PLD1: variants seen among roughly 807,000 people sequenced by gnomAD.
PLD1 encodes the protein choline phosphatase 1.
In PLD1, 112 loss-of-function variants were observed where a neutral mutation model predicts 137.1. The observed-to-expected ratio is 0.82, with a 90% CI of 0.70 to 0.96. PLD1 has a LOEUF of 0.96. Ranked by LOEUF, PLD1 falls within the 40% of genes least tolerant of loss-of-function variation. The probability of loss-of-function intolerance (pLI) is 0.00; values close to 1 mark genes in which losing one functional copy is unlikely to be tolerated. For missense variants in PLD1, 1,321 were observed against 1,342.0 expected (o/e 0.98, Z 0.24); for synonymous variants, 431 against 454.7 (o/e 0.95, Z 0.66).
intron 1 of PLD1, among the ~76,000 whole-genome samples, chr3:171,760,211 T>C (rs1458729090): frequency 6.6e-6 from 1 of 152,224 alleles, no homozygotes. Context: ...GTAGAAATTC[T>C]TTCTTTTATT....
At chr3:171,626,588 AG>A (rs1281369057) in intron 23 of PLD1, among the ~76,000 whole-genome samples, 2 of 152,164 alleles carry the variant, frequency 1.3e-5, no homozygotes, top group Non-Finnish European at 2.9e-5. Flanking sequence ...AAAAATGTTA[AG>A]GGCAGCCAGA....
chr3:171,673,242 T>A (rs1346208752), intron 19 of PLD1, among the ~76,000 whole-genome samples: 1 of 141,578 alleles, frequency 7.1e-6, no homozygotes, highest in African/African-American at 2.6e-5. Flanking sequence ...CTTTTTAGCC[T>A]GGGATGACTA....
At chr3:171,747,597 T>G (rs1720334032) in intron 1 of PLD1, among the ~76,000 whole-genome samples, 1 of 152,206 alleles carries the variant, frequency 6.6e-6, no homozygotes, top group Admixed American at 6.5e-5. Context: ...AGCCCATGTT[T>G]TGTTCATTGT....
In PLD1 at chr3:171,708,812, T is replaced by C; in HGVS notation, c.1088A>G (p.Glu363Gly). The change falls in exon 11 of 27, where the codon GAA becomes GGA. Residue 363 changes from glutamate (E) to glycine (G), a missense_variant. Coordinates refer to ENST00000351298, the MANE Select transcript of PLD1 (RefSeq NM_002662.5). The stretch of plus-strand genomic sequence containing the variant: ...CTCTTCCATTGCATTTGCCACATCT[T>C]CAAAATATCCTTTGGCATTAACATA... ...KWYVNAKGYF[E>G]DVANAMEEAN... The C allele has an allele frequency of 4.4e-6, 7 of 1,593,236 alleles. 1 individual carries two copies. The South Asian group carries it at 7.7e-5, about 18-fold the overall frequency.
intron 1 of PLD1, among the ~76,000 whole-genome samples, chr3:171,805,068 T>G (rs941272817): frequency 3.3e-5 from 5 of 152,200 alleles, no homozygotes; most frequent in Admixed American, 3.3e-4. Flanking sequence ...TTTCCTGTTC[T>G]TAATATAAAG....
At chr3:171,709,222 A>G (rs1716950935) in intron 10 of PLD1, among the ~76,000 whole-genome samples, 2 of 152,248 alleles carry the variant, frequency 1.3e-5, no homozygotes, top group Non-Finnish European at 2.9e-5. Context: ...ACTTTATTTA[A>G]AAGAAATATC....
intron 16 of PLD1, among the ~76,000 whole-genome samples, chr3:171,679,858 T>C (rs1049563110): frequency 1.6e-4 from 25 of 152,200 alleles, no homozygotes; most frequent in African/African-American, 5.8e-4. Flanking sequence ...TAGCTCAGAA[T>C]TACATGAGTG....
chr3:171,744,983 C>A (rs1485777268), intron 1 of PLD1, among the ~76,000 whole-genome samples: 1 of 152,184 alleles, frequency 6.6e-6, no homozygotes, highest in Non-Finnish European at 1.5e-5. Context: ...GCATTAAAAG[C>A]ATTTCTTGAT....
intron 1 of PLD1, among the ~76,000 whole-genome samples, chr3:171,764,502 G>C (rs1222122683): frequency 6.6e-6 from 1 of 152,028 alleles, no homozygotes; most frequent in Non-Finnish European, 1.5e-5. Flanking sequence ...ATCTAACCCA[G>C]TAATTTTGCA....
intron 23 of PLD1, among the ~76,000 whole-genome samples, chr3:171,635,930 A>T (rs1255730130): frequency 1.8e-5 from 2 of 111,586 alleles, no homozygotes; most frequent in African/African-American, 6.5e-5. Flanking sequence ...TATTGAGTGA[A>T]TTTTTGTATA....
intron 19 of PLD1, among the ~76,000 whole-genome samples, chr3:171,672,808 C>T (rs1459520881): frequency 6.6e-6 from 1 of 152,100 alleles, no homozygotes; most frequent in African/African-American, 2.4e-5. Flanking sequence ...CACACAACAT[C>T]AGTGATGCGG....
intron 1 of PLD1, among the ~76,000 whole-genome samples, chr3:171,764,839 G>A (rs965608518): frequency 9.6e-5 from 1 of 10,424 alleles, no homozygotes; most frequent in South Asian, 1.7e-3. Flanking sequence ...AAGAAAGAAA[G>A]AAAGAAAGAA....
Position 171,611,632 on chromosome 3 carries a change from G to A in PLD1, c.2882+647C>T, listed in dbSNP as rs775959456. Reference sequence around the variant, plus strand: ...ATCTTCGACACCTGGAGTCATTTTAGACCTGAAAACAGAAGTTTCCACATT... The same window carrying A: ...ATCTTCGACACCTGGAGTCATTTTAAACCTGAAAACAGAAGTTTCCACATT... On this transcript the variant is annotated intron_variant, in intron 25 of 26. Transcript: ENST00000351298. 9.6e-6 allele frequency: 5 copies of A among 518,708 alleles called. No homozygotes were observed. In the Admixed American group the frequency reaches 9.7e-5, roughly 10 times the overall value. The allele number at this position is 518,708 out of a possible 1,614,324, so 32.1% of individuals were successfully genotyped here.
intron 19 of PLD1, among the ~76,000 whole-genome samples, chr3:171,674,189 G>A (rs1713091953): frequency 1.3e-5 from 2 of 152,176 alleles, no homozygotes; most frequent in Admixed American, 6.5e-5. Context: ...CTGGTGCTTA[G>A]GCAGTATCAG....
intron 25 of PLD1, among the ~76,000 whole-genome samples, chr3:171,606,473 T>C (rs1442985982): frequency 6.6e-6 from 1 of 152,132 alleles, no homozygotes; most frequent in Non-Finnish European, 1.5e-5. Context: ...TTTTCTGAGT[T>C]CACCAAATAA....
rs183292194 is a variant in PLD1, at chr3:171,765,781, C to T, written c.-31-27699G>A. Among the ~76,000 whole-genome samples, 76 of 152,294 alleles carry T rather than the reference C, an allele frequency of 5.0e-4. 1 individual carries two copies. The highest frequency in any genetic ancestry group is 1.8e-3 in the African/African-American group (75 of 41,568). On this transcript the variant is annotated intron_variant, in intron 1 of 26. Coordinates refer to ENST00000351298, the MANE Select transcript of PLD1 (RefSeq NM_002662.5). ...GGATTGTCTTGGTATGCTGACTTGT[C>T]CCTTTCATCACATCATCAACTGCGT...
At chr3:171,709,911 A>C (rs1251394409) in intron 9 of PLD1, among the ~76,000 whole-genome samples, 4 of 152,182 alleles carry the variant, frequency 2.6e-5, no homozygotes, top group Non-Finnish European at 5.9e-5. Flanking sequence ...TTATTCATTC[A>C]CTCATGCAAA....
At chr3:171,638,159 T>C (rs1237474053) in intron 23 of PLD1, among the ~76,000 whole-genome samples, 1 of 129,014 alleles carries the variant, frequency 7.8e-6, no homozygotes, top group Non-Finnish European at 1.5e-5. Context: ...CACTCCAGCC[T>C]GGGCGACAGA....
intron 23 of PLD1, among the ~76,000 whole-genome samples, chr3:171,636,096 A>G (rs1436785560): frequency 6.7e-6 from 1 of 150,062 alleles, no homozygotes; most frequent in East Asian, 2.0e-4. Flanking sequence ...TTAATTGACC[A>G]TAATCATAAG....
Sources: allele counts gnomAD v4.1 joint callset (sites outside exome capture counted in the v4.1 genomes callset), GRCh38; gene constraint gnomAD v4.1.1; transcripts MANE v1.5; gene names NCBI Gene and HGNC (gene_info 2026-07-23, HGNC 2026-07-21).